PTPRD: variants seen among roughly 807,000 people sequenced by gnomAD.
PTPRD encodes the protein receptor-type tyrosine-protein phosphatase delta.
In PTPRD, 34 loss-of-function variants were observed where a neutral mutation model predicts 214.5. The ratio of observed to expected loss-of-function variants is 0.16; its 90% CI spans 0.12 to 0.21. The LOEUF is 0.21. Ranked by LOEUF, PTPRD falls within the 10% of genes least tolerant of loss-of-function variation. The pLI, the probability that PTPRD is intolerant of heterozygous loss-of-function variation, is 1.00. For synonymous variants in PTPRD, 1,128 were observed against 845.7 expected, an observed-to-expected ratio of 1.33 and a Z score of -5.79; for missense variants, 2,545 against 2,398.7, an observed-to-expected ratio of 1.06 and a Z score of -1.27.
At chr9:9,415,281 C>G (rs545909605) in intron 8 of PTPRD, among the ~76,000 whole-genome samples, 1 of 152,144 alleles carries the variant, frequency 6.6e-6, no homozygotes, top group Non-Finnish European at 1.5e-5. Flanking sequence ...TGAGAGCAGA[C>G]TGGCTAACAA....
At chr9:10,251,260 C>A (rs2092734028) in intron 3 of PTPRD, among the ~76,000 whole-genome samples, 1 of 152,124 alleles carries the variant, frequency 6.6e-6, no homozygotes, top group Non-Finnish European at 1.5e-5. Context: ...TTAGCCTTCA[C>A]AATCACACTA....
chr9:10,367,827 T>C (rs992215926), intron 2 of PTPRD, among the ~76,000 whole-genome samples: 1 of 152,118 alleles, frequency 6.6e-6, no homozygotes. Flanking sequence ...TGATTGGAAC[T>C]TGTAGGAAAG....
intron 38 of PTPRD, 29 bp from the exon 39 acceptor site, chr9:8,376,119 C>CT (rs2083167067): frequency 6.2e-7 from 1 of 1,609,802 alleles, no homozygotes; most frequent in African/African-American, 1.3e-5. Context: ...AGCTGAAATT[C>CT]TGTTTTCCAA....
At chr9:10,580,429 T>C (rs1242395305) in intron 2 of PTPRD, among the ~76,000 whole-genome samples, 2 of 152,220 alleles carry the variant, frequency 1.3e-5, no homozygotes, top group African/African-American at 4.8e-5. Flanking sequence ...GGCACATATG[T>C]GAATTCAATG....
chr9:10,436,969 A>G (rs992808616), intron 2 of PTPRD, among the ~76,000 whole-genome samples: 18 of 151,934 alleles, frequency 1.2e-4, no homozygotes, highest in Non-Finnish European at 2.5e-4. Context: ...TTAAGTGTCA[A>G]TGTGTGGGCT....
intron 11 of PTPRD, among the ~76,000 whole-genome samples, chr9:8,959,690 G>T (rs181867900): frequency 6.8e-4 from 104 of 152,090 alleles, no homozygotes; most frequent in African/African-American, 2.5e-3. Context: ...TTTAATGAAA[G>T]AATCATTGAG....
intron 12 of PTPRD, among the ~76,000 whole-genome samples, chr9:8,708,678 T>TCAAA (rs1325744625): frequency 4.1e-5 from 1 of 24,306 alleles, no homozygotes; most frequent in African/African-American, 8.9e-5. Flanking sequence ...AGACTCTGTC[T>TCAAA]CAAAAAAAAA....
intron 14 of PTPRD, among the ~76,000 whole-genome samples, chr9:8,562,846 TC>T (rs1242935802): frequency 1.1e-4 from 16 of 151,140 alleles, no homozygotes; most frequent in Non-Finnish European, 2.2e-4. Context: ...GCAAAGATTT[TC>T]TTTTTTTTTT....
chr9:10,249,023 C>A (rs1020696300), intron 3 of PTPRD, among the ~76,000 whole-genome samples: 10 of 152,108 alleles, frequency 6.6e-5, no homozygotes, highest in Non-Finnish European at 1.3e-4. Flanking sequence ...AGGCCTACTG[C>A]TTCTCTGCTC....
chr9:8,843,558 C>A (rs946055690), intron 11 of PTPRD, among the ~76,000 whole-genome samples: 3 of 152,108 alleles, frequency 2.0e-5, no homozygotes, highest in African/African-American at 7.2e-5. Context: ...TGGTTATTAA[C>A]CACTTCAAAT....
intron 7 of PTPRD, among the ~76,000 whole-genome samples, chr9:9,653,386 A>AAAAAAG (rs2096422807): frequency 1.5e-5 from 2 of 133,794 alleles, no homozygotes; most frequent in African/African-American, 2.8e-5. Flanking sequence ...AAAAAAAAAA[A>AAAAAAG]GTGCCTCATT....
intron 8 of PTPRD, among the ~76,000 whole-genome samples, chr9:9,454,002 T>C (rs186862105): frequency 1.3e-5 from 2 of 151,964 alleles, no homozygotes; most frequent in Admixed American, 6.6e-5. Context: ...TCCTCTTTTC[T>C]TTAAAATTTC....
intron 12 of PTPRD, among the ~76,000 whole-genome samples, chr9:8,642,106 A>C (rs1595894716): frequency 1.3e-5 from 2 of 152,208 alleles, no homozygotes; most frequent in Admixed American, 6.5e-5. Flanking sequence ...ATTTATGAGA[A>C]ATTCCTAAAG....
At chr9:9,090,855 TA>T in intron 10 of PTPRD, 2 of 850,616 alleles carry the variant, frequency 2.4e-6, no homozygotes, top group Admixed American at 3.4e-5. Context: ...GATGACAGGT[TA>T]AAAATTTCTT....
rs1182643680 is a variant in PTPRD, at chr9:8,822,609, T to TAC, written c.-103-88665_-103-88664dup. ...TAATTATGGAAGTCAAACACATGCT[T>TAC]ACAAGTACAGTATCAATAACAATAT... is the stretch of plus-strand genomic sequence containing the variant. On this transcript the variant is annotated intron_variant, in intron 11 of 45. Transcript: ENST00000381196. Among the ~76,000 whole-genome samples, 8 of 152,314 alleles carry TAC rather than the reference T, an allele frequency of 5.3e-5. No homozygotes were observed. In the East Asian group the frequency reaches 1.4e-3, roughly 26 times the overall value.
intron 8 of PTPRD, among the ~76,000 whole-genome samples, chr9:9,543,609 T>G (rs1477624713): frequency 6.6e-6 from 1 of 151,546 alleles, no homozygotes; most frequent in Non-Finnish European, 1.5e-5. Context: ...ACAAATAACT[T>G]GCTGAGAATT....
chr9:8,414,008 T>C (rs781465839), intron 35 of PTPRD, among the ~76,000 whole-genome samples: 2 of 152,124 alleles, frequency 1.3e-5, no homozygotes, highest in African/African-American at 4.8e-5. Context: ...TTATCTGATG[T>C]TGTATATTTT....
chr9:8,615,194 T>G (rs1004699790), intron 14 of PTPRD, among the ~76,000 whole-genome samples: 1 of 152,072 alleles, frequency 6.6e-6, no homozygotes, highest in Non-Finnish European at 1.5e-5. Flanking sequence ...GGCTATATTA[T>G]TCTCTCCTCA....
intron 7 of PTPRD, among the ~76,000 whole-genome samples, chr9:9,670,954 TAGTAAGAAG>T (rs1401230578): frequency 1.3e-5 from 2 of 151,754 alleles, no homozygotes; most frequent in East Asian, 1.9e-4. Flanking sequence ...CGTAGTGGAG[TAGTAAGAAG>T]AGTAAGAAGA....
Sources: gnomAD v4.1 joint callset for allele counts (sites outside exome capture counted in the v4.1 genomes callset) on GRCh38, gnomAD v4.1.1 for gene constraint, MANE v1.5 for transcripts, NCBI Gene and HGNC (gene_info 2026-07-23, HGNC 2026-07-21) for gene names.